The following FZD3 variants were observed in gnomAD, a reference collection of about 807,000 sequenced individuals.
The protein encoded by FZD3 is frizzled-3.
A neutral mutation model predicts 60.7 loss-of-function variants in FZD3; 30 were observed. That is an observed-to-expected ratio of 0.49 (90% CI 0.37 to 0.67). The LOEUF (loss-of-function observed/expected upper bound fraction) is 0.67. Ranked by LOEUF, FZD3 falls within the 30% of genes least tolerant of loss-of-function variation. The probability of loss-of-function intolerance (pLI) is 0.00; values close to 1 mark genes in which losing one functional copy is unlikely to be tolerated. For synonymous variants in FZD3, 246 were observed against 275.2 expected (o/e 0.89, Z 1.05); for missense variants, 605 against 838.7 (o/e 0.72, Z 3.44).
At position 28,563,604 on chromosome 8, in the gene FZD3, C is replaced by G. The variant is rs971233087; in HGVS notation, c.*593C>G. ...GTCTATGAAAGGTTCTCTTAAAATT[C>G]TATCGAAATAATCTTCATGCAGAGA... On this transcript the variant is annotated 3_prime_UTR_variant, in exon 8 of 8. Transcript: ENST00000240093. 3 of 152,530 alleles carry G rather than the reference C, an allele frequency of 2.0e-5. No homozygotes were observed. Among genetic ancestry groups the G allele is most frequent in the African/African-American group, 7.2e-5 (3 of 41,436 alleles). 9.4% of individuals were successfully genotyped at this position (152,530 alleles called of 1,614,324 possible). A position where few individuals can be genotyped will look rare whatever the true frequency, so the allele number is the denominator to read the frequency against.
chr8:28,532,156 A>T (rs1239649950), intron 5 of FZD3, among the ~76,000 whole-genome samples: 2 of 152,106 alleles, frequency 1.3e-5, no homozygotes, highest in Admixed American at 1.3e-4. Context: ...AGGCTCTCTC[A>T]TTTGTATAAC....
chr8:28,536,514 CCTGACCAATGT>C (rs1805018129), intron 5 of FZD3, among the ~76,000 whole-genome samples: 6 of 152,156 alleles, frequency 3.9e-5, no homozygotes, highest in Admixed American at 3.9e-4. Flanking sequence ...TCCAGACCAG[CCTGACCAATGT>C]GGTGAAAGCC....
intron 5 of FZD3, among the ~76,000 whole-genome samples, chr8:28,537,627 C>T (rs756563340): frequency 6.6e-6 from 1 of 152,176 alleles, no homozygotes; most frequent in Non-Finnish European, 1.5e-5. Flanking sequence ...TTTGTAGAAA[C>T]AGGCATTGCG....
Position 28,564,616 on chromosome 8 carries a change from A to C in FZD3, c.*1605A>C, listed in dbSNP as rs565456022. The C allele has an allele frequency of 6.6e-6, 1 of 152,168 alleles. No individual in the cohort carries two copies. Among genetic ancestry groups the C allele is most frequent in the Non-Finnish European group, 1.5e-5 (1 of 68,032 alleles). The allele number at this position is 152,168 out of a possible 1,614,324, so 9.4% of individuals were successfully genotyped here. The stretch of plus-strand genomic sequence containing the variant: ...ATTATCTAATATTCAGTTGTTCTGC[A>C]CCTGATGCCAAATTCTGGGCTGTAC... On this transcript the variant is annotated 3_prime_UTR_variant, in exon 8 of 8. Coordinates refer to ENST00000240093, the MANE Select transcript of FZD3 (RefSeq NM_017412.4).
rs188703795 is a variant in FZD3 at position 28,516,438 on chromosome 8, G to A, written c.190-4200G>A. On this transcript the variant is annotated intron_variant, in intron 3 of 7. Coordinates refer to ENST00000240093, the MANE Select transcript of FZD3 (RefSeq NM_017412.4). The stretch of plus-strand genomic sequence containing the variant: ...CTTTTCCATTTCTGCAACAACAGAA[G>A]GCCGTTGGGATTTTTGAAGGGATTA... Among the ~76,000 whole-genome samples, 382 of 152,292 alleles carry A rather than the reference G, an allele frequency of 2.5e-3. 1 individual carries two copies. Among genetic ancestry groups the A allele is most frequent in the Non-Finnish European group, 3.8e-3 (256 of 68,032 alleles).
chr8:28,571,776 A>G lies in FZD3; in HGVS notation c.*8765A>G, dbSNP rs964296398. ...CATAGTAAAGATTGATATTGATACC[A>G]CCCACCATCCTTTCCTCTAGCCCCA... On this transcript the variant is annotated 3_prime_UTR_variant, in exon 8 of 8. Coordinates refer to ENST00000240093, the MANE Select transcript of FZD3 (RefSeq NM_017412.4). 6.6e-6 allele frequency: 1 copy of G among 152,164 alleles called. No individual in the cohort carries two copies. Among genetic ancestry groups the G allele is most frequent in the African/African-American group, 2.4e-5 (1 of 41,442 alleles). 9.4% of individuals were successfully genotyped at this position (152,164 alleles called of 1,614,324 possible).
At chr8:28,533,170 T>TC (rs1202272005) in intron 5 of FZD3, among the ~76,000 whole-genome samples, 6 of 152,044 alleles carry the variant, frequency 3.9e-5, no homozygotes, top group African/African-American at 9.7e-5. Context: ...GTTCTTTTTT[T>TC]CCCCCCATGA....
chr8:28,502,954 A>G lies in FZD3; in HGVS notation c.-60A>G, dbSNP rs1804035829. 1 of 1,126,702 alleles carries G rather than the reference A, an allele frequency of 8.9e-7. No individual in the cohort carries two copies. Among genetic ancestry groups the G allele is most frequent in the South Asian group, 1.5e-5 (1 of 66,426 alleles). 69.8% of individuals were successfully genotyped at this position (1,126,702 alleles called of 1,614,324 possible). A position where few individuals can be genotyped will look rare whatever the true frequency, so the allele number is the denominator to read the frequency against. On this transcript the variant is annotated 5_prime_UTR_variant, in exon 3 of 8. Coordinates refer to ENST00000240093, the MANE Select transcript of FZD3 (RefSeq NM_017412.4). Reference sequence around the variant, plus strand: ...CGAGCTGAGACCTGCAGGTGTATAAATATCTAAAATACATATTGAATAGGC... The same window carrying G: ...CGAGCTGAGACCTGCAGGTGTATAAGTATCTAAAATACATATTGAATAGGC...
chr8:28,528,003 G>T lies in FZD3; in HGVS notation c.1243G>T (p.Val415Leu), dbSNP rs1374313846. ...AGAAAAGGAGAACCAAGATAAATTA[G>T]TGAAGTTTATGATCCGGATCGGTGT... ...PLEKENQDKL[V>L]KFMIRIGVFS... Residue 415 changes from valine to leucine, a missense_variant, in exon 5 of 8, where the codon GTG (valine) becomes TTG (leucine). Val to Leu is a conservative substitution (Grantham distance 32). Transcript: ENST00000240093. 1 of 1,613,976 alleles carries T rather than the reference G, an allele frequency of 6.2e-7. No individual in the cohort carries two copies.
At chr8:28,538,441 A>G (rs1161062133) in intron 5 of FZD3, among the ~76,000 whole-genome samples, 2 of 152,162 alleles carry the variant, frequency 1.3e-5, no homozygotes. Context: ...CCAGTAAGTT[A>G]TATTGTACTC....
chr8:28,519,316 GTGGT>G (rs1283063483), intron 3 of FZD3, among the ~76,000 whole-genome samples: 1 of 152,128 alleles, frequency 6.6e-6, no homozygotes, highest in Non-Finnish European at 1.5e-5. Context: ...ATCTATTCCT[GTGGT>G]TGAAATGATT....
intron 3 of FZD3, among the ~76,000 whole-genome samples, chr8:28,506,217 T>C (rs534952563): frequency 1.9e-4 from 29 of 152,328 alleles, no homozygotes; most frequent in Admixed American, 1.8e-3. Context: ...AGGCTTTTCC[T>C]CATACTGAAT....
Position 28,567,055 on chromosome 8 carries a change from C to G in FZD3, c.*4044C>G, listed in dbSNP as rs1392598624. The G allele has an allele frequency of 1.3e-5, 2 of 152,172 alleles. No homozygotes were observed. The highest frequency in any genetic ancestry group is 4.8e-5 in the African/African-American group (2 of 41,424). 9.4% of individuals were successfully genotyped at this position (152,172 alleles called of 1,614,324 possible). Reference sequence around the variant, plus strand: ...GGAGAGCAGTGGCATAATCATAGTTCATTATAACCTTGAACTCCTAGGCTC... The same window carrying G: ...GGAGAGCAGTGGCATAATCATAGTTGATTATAACCTTGAACTCCTAGGCTC... On this transcript the variant is annotated 3_prime_UTR_variant, in exon 8 of 8. Transcript: ENST00000240093.
chr8:28,526,802 G>GTCTGA (rs1475518494), intron 4 of FZD3, among the ~76,000 whole-genome samples: 1 of 152,130 alleles, frequency 6.6e-6, no homozygotes. Flanking sequence ...GTTACTGGGA[G>GTCTGA]TCTGAAGTCT....
intron 5 of FZD3, 74 bp downstream of exon 5, chr8:28,528,238 A>G (rs1184742540): frequency 1.7e-6 from 2 of 1,163,794 alleles, no homozygotes; most frequent in African/African-American, 3.1e-5. Flanking sequence ...ATGAGTTAAT[A>G]TCAGCTGTTT....
At chr8:28,555,598 A>C (rs776910831) in intron 6 of FZD3, 140 bp from the exon 7 acceptor site, 3 of 624,380 alleles carry the variant, frequency 4.8e-6, no homozygotes, top group Non-Finnish European at 8.6e-6. Context: ...TCTGTCAACA[A>C]TGTTTCTTCA....
At chr8:28,502,597 T>G (rs930334745) in intron 2 of FZD3, 73 bp from the exon 3 acceptor site, 4 of 153,884 alleles carry the variant, frequency 2.6e-5, no homozygotes, top group African/African-American at 9.6e-5. Flanking sequence ...ATCAAAGATT[T>G]TTAATGTCAA....
chr8:28,522,025 G>A (rs972034172), intron 4 of FZD3, among the ~76,000 whole-genome samples: 2 of 151,904 alleles, frequency 1.3e-5, no homozygotes, highest in Non-Finnish European at 2.9e-5. Context: ...CTCACTTAAC[G>A]TTGTTGATAG....
At chr8:28,551,945 A>G (rs1456115203) in intron 6 of FZD3, among the ~76,000 whole-genome samples, 194 bp downstream of exon 6, 3 of 152,236 alleles carry the variant, frequency 2.0e-5, no homozygotes, top group African/African-American at 7.2e-5. Flanking sequence ...GAAGATGGCC[A>G]AGTAGTCCAG....
Sources: allele counts gnomAD v4.1 joint callset (sites outside exome capture counted in the v4.1 genomes callset), GRCh38; gene constraint gnomAD v4.1.1; transcripts MANE v1.5; gene names NCBI Gene and HGNC (gene_info 2026-07-23, HGNC 2026-07-21).